The following CEP41 variants were observed in gnomAD, a reference collection of about 807,000 sequenced individuals.
CEP41 encodes the protein centrosomal protein 41.
A neutral mutation model predicts 44.3 loss-of-function variants in CEP41; 32 were observed. The ratio of observed to expected loss-of-function variants is 0.72; its 90% CI spans 0.54 to 0.97. The LOEUF is 0.97. Ranked by LOEUF, CEP41 falls within the 50% of genes least tolerant of loss-of-function variation. CEP41 has a pLI of 0.00. For synonymous variants in CEP41, 151 were observed against 168.5 expected, an observed-to-expected ratio of 0.90 and a Z score of 0.80; for missense variants, 432 against 455.2, an observed-to-expected ratio of 0.95 and a Z score of 0.46.
chr7:130,402,892 A>T (rs1479385750), intron 6 of CEP41, 93 bp from the exon 7 acceptor site: 14 of 1,321,140 alleles, frequency 1.1e-5, no homozygotes, highest in African/African-American at 8.7e-5. Context: ...GTGAGTGCTC[A>T]ATGTCTTTTC....
intron 2 of CEP41, among the ~76,000 whole-genome samples, chr7:130,418,460 A>C (rs1176698015): frequency 6.6e-6 from 1 of 152,216 alleles, no homozygotes; most frequent in Admixed American, 6.5e-5. Flanking sequence ...AGAAGACGGC[A>C]AATCAGTATG....
chr7:130,439,340 A>G (rs879981700), intron 1 of CEP41, among the ~76,000 whole-genome samples: 4 of 106,412 alleles, frequency 3.8e-5, no homozygotes, highest in Non-Finnish European at 5.6e-5. Context: ...GTAGGCTATT[A>G]GTAGTTAAGT....
At position 130,400,054 on chromosome 7, in the gene CEP41, G is replaced by A; in HGVS notation, c.958C>T (p.Pro320Ser). 1 of 1,605,912 alleles carries A rather than the reference G, an allele frequency of 6.2e-7. No individual in the cohort carries two copies. Among genetic ancestry groups the A allele is most frequent in the Non-Finnish European group, 8.5e-7 (1 of 1,173,950 alleles). ...AAGATCTTACTAGGATGATCTGCAG[G>A]CCCTTGCTCCTCTTCCAGATAATAT... Reference protein sequence around the residue: ...IEYYLEEEQGPADHPSRLNQA... With the variant: ...IEYYLEEEQGSADHPSRLNQA... Residue 320 changes from proline to serine, a missense_variant, in exon 10 of 11, where the codon CCT becomes TCT. Transcript: ENST00000223208.
At chr7:130,400,916 T>C in intron 8 of CEP41, 95 bp from the exon 9 acceptor site, 1 of 817,552 alleles carries the variant, frequency 1.2e-6, no homozygotes, top group Non-Finnish European at 2.1e-6. Context: ...TCCACCTGTC[T>C]GAGTTCCCGG....
At chr7:130,410,029 CTT>C (rs782636525) in intron 5 of CEP41, among the ~76,000 whole-genome samples, 10 of 139,876 alleles carry the variant, frequency 7.1e-5, no homozygotes, top group Admixed American at 1.4e-4. Flanking sequence ...CCTCGGTCTT[CTT>C]TTTTTTTTTT....
intron 2 of CEP41, among the ~76,000 whole-genome samples, chr7:130,424,718 ATC>A (rs1797609418): frequency 6.6e-6 from 1 of 152,206 alleles, no homozygotes; most frequent in South Asian, 2.1e-4. Context: ...CTCAAAGTTT[ATC>A]ATGAACTTAT....
chr7:130,410,075 G>A (rs1023059476), intron 5 of CEP41, among the ~76,000 whole-genome samples: 1 of 147,578 alleles, frequency 6.8e-6, no homozygotes, highest in Admixed American at 6.9e-5. Flanking sequence ...GCCCAGGCTG[G>A]AGTGCAATGG....
rs1233103891 is a variant in CEP41 at position 130,397,908 on chromosome 7, A to T, written c.*983T>A. 2.2e-6 allele frequency: 1 copy of T among 454,150 alleles called. No individual in the cohort carries two copies. Among genetic ancestry groups the T allele is most frequent in the Non-Finnish European group, 4.4e-6 (1 of 226,570 alleles). The allele number at this position is 454,150 out of a possible 1,614,324, so 28.1% of individuals were successfully genotyped here. On this transcript the variant is annotated 3_prime_UTR_variant, in exon 11 of 11. Transcript: ENST00000223208. ...AGCAGGAAATTGCACTAATTACTCAATTAGACTAATACTGTATTTCTAAGC... is the reference window on the plus strand; with the variant it reads ...AGCAGGAAATTGCACTAATTACTCATTTAGACTAATACTGTATTTCTAAGC...
rs1554414603 is a variant in CEP41, at chr7:130,396,530, C to G, written c.*2361G>C. On this transcript the variant is annotated 3_prime_UTR_variant, in exon 11 of 11. Coordinates refer to ENST00000223208, the MANE Select transcript of CEP41 (RefSeq NM_018718.3). ...TTTTCAGCATATTAATAGCAAACGA[C>G]AAATTAGTAACTATGTACTTTAATC... 2 of 454,384 alleles carry G rather than the reference C, an allele frequency of 4.4e-6. No individual in the cohort carries two copies. Among genetic ancestry groups the G allele is most frequent in the Non-Finnish European group, 8.8e-6 (2 of 226,792 alleles). The allele number at this position is 454,384 out of a possible 1,614,324, so 28.1% of individuals were successfully genotyped here. A position where few individuals can be genotyped will look rare whatever the true frequency, so the allele number is the denominator to read the frequency against.
intron 9 of CEP41, 38 bp from the exon 10 acceptor site, chr7:130,400,292 A>G: frequency 6.7e-7 from 1 of 1,497,768 alleles, no homozygotes; most frequent in Non-Finnish European, 9.3e-7. Flanking sequence ...CTGCATTAAT[A>G]TGGCAAGGCC....
At chr7:130,408,906 C>G (rs782510337) in intron 5 of CEP41, among the ~76,000 whole-genome samples, 10 of 151,902 alleles carry the variant, frequency 6.6e-5, no homozygotes, top group African/African-American at 1.2e-4. Flanking sequence ...GCTTTTGAAG[C>G]CTATTTAGTG....
intron 8 of CEP41, 43 bp downstream of exon 8, chr7:130,401,838 A>C (rs199528949): frequency 6.7e-5 from 88 of 1,307,604 alleles, no homozygotes; most frequent in Non-Finnish European, 7.4e-5. Context: ...TGATTCTTAC[A>C]ATCCTCATAC....
chr7:130,440,774 CA>C, intron 1 of CEP41, 159 bp downstream of exon 1: 1 of 687,624 alleles, frequency 1.5e-6, no homozygotes, highest in Non-Finnish European at 2.5e-6. Context: ...CCGCGGCCCC[CA>C]AGCCCGGCCC....
intron 1 of CEP41, among the ~76,000 whole-genome samples, chr7:130,439,262 A>G (rs1437141568): frequency 1.3e-5 from 2 of 152,232 alleles, no homozygotes; most frequent in South Asian, 2.1e-4. Flanking sequence ...AATTCAGTAC[A>G]TAATACATAT....
intron 1 of CEP41, among the ~76,000 whole-genome samples, chr7:130,430,857 C>T (rs1375126005): frequency 6.6e-6 from 1 of 152,004 alleles, no homozygotes; most frequent in African/African-American, 2.4e-5. Context: ...CCAGGCTAGT[C>T]TCTGCTGAAC....
At chr7:130,431,117 C>T (rs1257564783) in intron 1 of CEP41, among the ~76,000 whole-genome samples, 1 of 147,384 alleles carries the variant, frequency 6.8e-6, no homozygotes, top group African/African-American at 2.5e-5. Flanking sequence ...CTAGTACCAA[C>T]CGCAATGTAA....
At chr7:130,403,508 A>T (rs1554417493) in intron 6 of CEP41, among the ~76,000 whole-genome samples, 1 of 152,238 alleles carries the variant, frequency 6.6e-6, no homozygotes, top group African/African-American at 2.4e-5. Context: ...AAAATGTGGT[A>T]AAAACATGAA....
intron 2 of CEP41, chr7:130,421,352 C>T (rs2117646201): frequency 1.0e-6 from 1 of 985,450 alleles, no homozygotes; most frequent in African/African-American, 1.7e-5. Flanking sequence ...ATATTTCCCT[C>T]CTCTATGGAG....
At chr7:130,402,606 T>C (rs200937972) in intron 7 of CEP41, 42 bp downstream of exon 7, 2 of 1,611,118 alleles carry the variant, frequency 1.2e-6, no homozygotes, top group East Asian at 2.2e-5. Flanking sequence ...GCAGGCTCTC[T>C]GTTCTTGAGA....
Sources: allele counts gnomAD v4.1 joint callset (sites outside exome capture counted in the v4.1 genomes callset), GRCh38; gene constraint gnomAD v4.1.1; transcripts MANE v1.5; gene names NCBI Gene and HGNC (gene_info 2026-07-23, HGNC 2026-07-21).